KIZ: variants seen among roughly 807,000 people sequenced by gnomAD.
KIZ encodes centrosomal protein kizuna.
Under a neutral mutation model 79.6 loss-of-function variants are expected in KIZ, and 68 were observed. The observed-to-expected ratio is 0.85, with a 90% confidence interval of 0.70 to 1.05. The LOEUF (loss-of-function observed/expected upper bound fraction) is 1.05. KIZ is among the 50% of genes least tolerant of loss of function. The pLI is 0.00. For missense variants in KIZ, 797 were observed against 800.4 expected (o/e 1.00, Z 0.05); for synonymous variants, 280 against 281.8 (o/e 0.99, Z 0.06).
chr20:21,128,785 C>T (rs982213381), intron 1 of KIZ, among the ~76,000 whole-genome samples: 50 of 152,250 alleles, frequency 3.3e-4, no homozygotes, highest in East Asian at 1.4e-3. Context: ...TAGCCAGCCG[C>T]GGTTTTTTCA....
chr20:21,144,973 C>G (rs866172885), intron 3 of KIZ, among the ~76,000 whole-genome samples: 2 of 152,124 alleles, frequency 1.3e-5, no homozygotes, highest in African/African-American at 4.8e-5. Context: ...GGTGATGATG[C>G]AGACATCTTT....
chr20:21,198,150 C>T (rs2035430740), intron 6 of KIZ: 1 of 152,280 alleles, frequency 6.6e-6, no homozygotes, highest in Non-Finnish European at 1.5e-5. Flanking sequence ...GCAAGCTCCG[C>T]CTCCTGGGTT....
At chr20:21,194,837 A>G (rs538289588) in intron 6 of KIZ, 1 of 152,316 alleles carries the variant, frequency 6.6e-6, no homozygotes, top group Non-Finnish European at 1.5e-5. Flanking sequence ...TTTATTAAAA[A>G]AAAAAAAATA....
intron 7 of KIZ, among the ~76,000 whole-genome samples, chr20:21,206,357 AAG>A (rs1160543148): frequency 6.6e-6 from 1 of 152,162 alleles, no homozygotes; most frequent in African/African-American, 2.4e-5. Context: ...GCTTTCAGGA[AAG>A]AGAGCCAAGC....
chr20:21,126,672 T>C (rs531140354), intron 1 of KIZ, among the ~76,000 whole-genome samples: 1 of 152,220 alleles, frequency 6.6e-6, no homozygotes, highest in South Asian at 2.1e-4. Context: ...GTCAAACATG[T>C]GCCCCCGTTT....
upstream of KIZ, chr20:21,126,014 G>A (rs533915288): frequency 1.1e-5 from 15 of 1,331,348 alleles, no homozygotes; most frequent in African/African-American, 3.1e-5. Context: ...CAGGCGGCCC[G>A]GCGCGGTGTT....
At chr20:21,196,365 C>G (rs1027980830) in intron 6 of KIZ, 1 of 152,432 alleles carries the variant, frequency 6.6e-6, no homozygotes, top group African/African-American at 2.4e-5. Flanking sequence ...TAGTGAAGCC[C>G]CTGAGACTCC....
Position 21,162,868 on chromosome 20 carries a change from A to G in KIZ, c.1061A>G (p.Glu354Gly). 6.2e-7 allele frequency: 1 copy of G among 1,613,262 alleles called. No homozygotes were observed. Among genetic ancestry groups the G allele is most frequent in the Non-Finnish European group, 8.5e-7 (1 of 1,179,582 alleles). ...EGVSDHLAHR[E>G]PKSQKPFRKM... is the part of the protein sequence containing the mutation. ...CTTGCAGATCATCTTGCTCACAGGG[A>G]ACCAAAGTCACAAAAGCCCTTCAGA... Residue 354 changes from glutamate to glycine, a missense_variant, in exon 6 of 13, where the codon GAA becomes GGA. Coordinates refer to ENST00000619189, the MANE Select transcript of KIZ (RefSeq NM_018474.6).
chr20:21,189,364 C>G (rs2035019905), intron 6 of KIZ, among the ~76,000 whole-genome samples: 1 of 152,140 alleles, frequency 6.6e-6, no homozygotes, highest in Admixed American at 6.5e-5. Context: ...GAATGCTATT[C>G]ATTTCATAAA....
intron 7 of KIZ, among the ~76,000 whole-genome samples, chr20:21,208,975 A>G (rs573345706): frequency 6.6e-6 from 1 of 152,348 alleles, no homozygotes; most frequent in South Asian, 2.1e-4. Context: ...CTCTTTAGAT[A>G]AAATCTTCAA....
intron 11 of KIZ, among the ~76,000 whole-genome samples, chr20:21,239,702 G>A (rs1303804133): frequency 2.6e-5 from 4 of 152,178 alleles, no homozygotes; most frequent in African/African-American, 7.2e-5. Context: ...CAACTGACAC[G>A]TAATTGTTAC....
At chr20:21,225,745 A>G (rs952894955) in intron 9 of KIZ, among the ~76,000 whole-genome samples, 2 of 152,262 alleles carry the variant, frequency 1.3e-5, no homozygotes, top group Middle Eastern at 3.4e-3. Context: ...CACACACCTC[A>G]TGTCCATAAC....
At chr20:21,150,562 G>A (rs1274199290) in intron 4 of KIZ, among the ~76,000 whole-genome samples, 1 of 152,196 alleles carries the variant, frequency 6.6e-6, no homozygotes, top group East Asian at 1.9e-4. Flanking sequence ...TAGCCTCTCT[G>A]TGTTCAGCTG....
chr20:21,137,092 T>G (rs1600357159), intron 3 of KIZ, among the ~76,000 whole-genome samples: 1 of 152,206 alleles, frequency 6.6e-6, no homozygotes, highest in East Asian at 1.9e-4. Context: ...AGAAACTGAT[T>G]CTGTCTTGAA....
chr20:21,240,778 C>G (rs925858090), intron 11 of KIZ, among the ~76,000 whole-genome samples: 1 of 152,200 alleles, frequency 6.6e-6, no homozygotes, highest in Non-Finnish European at 1.5e-5. Context: ...AATAATGTTT[C>G]GTGACACCTG....
At chr20:21,235,600 C>T (rs1270062116) in intron 11 of KIZ, among the ~76,000 whole-genome samples, 1 of 152,216 alleles carries the variant, frequency 6.6e-6, no homozygotes, top group African/African-American at 2.4e-5. Context: ...TTTCACTCTC[C>T]CGGATCCATT....
chr20:21,192,279 A>ATTTTTTT (rs1260846529), intron 6 of KIZ, among the ~76,000 whole-genome samples: 1 of 91,114 alleles, frequency 1.1e-5, no homozygotes. Flanking sequence ...TCATTTCTGG[A>ATTTTTTT]TTTTTTTTTT....
intron 6 of KIZ, among the ~76,000 whole-genome samples, chr20:21,173,131 T>C (rs888748294): frequency 2.6e-5 from 4 of 152,156 alleles, no homozygotes; most frequent in South Asian, 4.1e-4. Context: ...TGGCCACTTA[T>C]GGAAAATCAA....
chr20:21,132,377 A>G (rs895497966), intron 2 of KIZ, among the ~76,000 whole-genome samples: 12 of 152,108 alleles, frequency 7.9e-5, no homozygotes, highest in Non-Finnish European at 1.0e-4. Flanking sequence ...GGTTCAAGCA[A>G]TTCTCCTGCC....
Sources: allele counts gnomAD v4.1 joint callset (sites outside exome capture counted in the v4.1 genomes callset), GRCh38; gene constraint gnomAD v4.1.1; transcripts MANE v1.5; gene names NCBI Gene and HGNC (gene_info 2026-07-23, HGNC 2026-07-21).